Variants in ATP8B2 observed in about 807,000 individuals in gnomAD.
ATP8B2 encodes ATPase phospholipid transporting 8B2, also known as phospholipid-transporting ATPase ID.
In ATP8B2, 70 loss-of-function variants were observed where a neutral mutation model predicts 133.4. The observed-to-expected ratio is 0.52, with a 90% CI of 0.43 to 0.64. The LOEUF (loss-of-function observed/expected upper bound fraction) is 0.64. Among genes scored for constraint, ATP8B2 ranks in the 30% least tolerant of loss-of-function variants. ATP8B2 has a pLI of 0.00. For synonymous variants in ATP8B2, 517 were observed against 589.5 expected (o/e 0.88, Z 1.78); for missense variants, 1,101 against 1,535.7 (o/e 0.72, Z 4.73).
intron 9 of ATP8B2, among the ~76,000 whole-genome samples, chr1:154,333,432 A>G (rs1011196298): frequency 1.3e-5 from 2 of 150,298 alleles, no homozygotes; most frequent in Non-Finnish European, 1.5e-5. Flanking sequence ...TGAACCTGGG[A>G]GGTGGAGGTT....
Position 154,344,408 on chromosome 1 carries a change from C to T in ATP8B2, c.2049C>T (p.Asn683=). ...CTCTCTTGGTAGAGACGGCTGTGAA[C>T]ATCGGCTATTCCTGCAAGATGCTGA... is the stretch of plus-strand genomic sequence containing the variant. ...LTGDKQETAV[N]IGYSCKMLTD... The change falls in exon 20 of 28, where the codon AAC becomes AAT. Residue 683 remains asparagine, a synonymous_variant. Transcript: ENST00000368489. This position sits in a 1 kb window ranked among gnomAD's most constrained non-coding sequence, Gnocchi z 4.1. The T allele has an allele frequency of 6.2e-7, 1 of 1,614,186 alleles. No individual in the cohort carries two copies. The highest frequency in any genetic ancestry group is 8.5e-7 in the Non-Finnish European group (1 of 1,180,020).
At position 154,330,453 on chromosome 1, in the gene ATP8B2, C is replaced by T. The variant is rs200836965; in HGVS notation, c.89C>T (p.Ala30Val). 2.7e-4 allele frequency: 422 copies of T among 1,545,484 alleles called. No individual in the cohort carries two copies. Among genetic ancestry groups the T allele is most frequent in the Admixed American group, 6.1e-4 (36 of 59,196 alleles). The change falls in exon 3 of 28, where the codon GCG (alanine) becomes GTG (valine). Residue 30 changes from alanine to valine, a missense_variant and splice_region_variant. Physicochemically the swap from Ala to Val is moderately conservative, Grantham distance 64 (BLOSUM62 0). Coordinates refer to ENST00000368489, the MANE Select transcript of ATP8B2 (RefSeq NM_001370597.1). The part of the protein sequence containing the change: ...DREYNEKFQY[A>V]SNCIKTSKYN... ...GAATACAATGAGAAATTCCAGTATG[C>T]GGTAAGCGACTCTAGACCACCTGTT...
Position 154,345,290 on chromosome 1 carries a change from C to T in ATP8B2, c.2471-32C>T, listed in dbSNP as rs372262804. On this transcript the variant is annotated intron_variant, in intron 22 of 27. Coordinates refer to ENST00000368489, the MANE Select transcript of ATP8B2 (RefSeq NM_001370597.1). This position sits in a 1 kb window ranked among gnomAD's most constrained non-coding sequence, Gnocchi z 5.6. ...TCTAAAGTGTGTGGCCGGTGGCCATCTTCACCCTCTTGTCATCTCTTGTCT... is the reference window on the plus strand; with the variant it reads ...TCTAAAGTGTGTGGCCGGTGGCCATTTTCACCCTCTTGTCATCTCTTGTCT... The T allele has an allele frequency of 4.2e-4, 677 of 1,611,936 alleles. 1 individual carries two copies. Among genetic ancestry groups the T allele is most frequent in the Non-Finnish European group, 5.2e-4 (612 of 1,178,804 alleles).
Position 154,345,946 on chromosome 1 carries a change from A to AT in ATP8B2, c.2778+63_2778+64insT. 6.9e-7 allele frequency: 1 copy of AT among 1,447,364 alleles called. No homozygotes were observed. The highest frequency in any genetic ancestry group is 9.7e-7 in the Non-Finnish European group (1 of 1,031,858). 89.7% of individuals were successfully genotyped at this position (1,447,364 alleles called of 1,614,324 possible). On this transcript the variant is annotated intron_variant, in intron 24 of 27. Coordinates refer to ENST00000368489, the MANE Select transcript of ATP8B2 (RefSeq NM_001370597.1). This position sits in a 1 kb window ranked among gnomAD's most constrained non-coding sequence, Gnocchi z 5.6. ...AGGTCACTGCTTGAAGGAGTCACAT[A>AT]GACGTGGTGTGTGACACTTGTGCCC...
intron 1 of ATP8B2, among the ~76,000 whole-genome samples, chr1:154,326,136 C>A (rs1370582962): frequency 6.6e-6 from 1 of 151,936 alleles, no homozygotes; most frequent in Admixed American, 6.6e-5. Context: ...GAGGTCTATG[C>A]CTGAGGAAAA....
chr1:154,343,547 C>T lies in ATP8B2; in HGVS notation c.1737C>T (p.Asn579=), dbSNP rs114883665. 1,747 of 1,614,110 alleles carry T rather than the reference C, an allele frequency of 1.1e-3. 12 individuals are homozygous for T. The African/African-American group carries it at 0.019, about 18-fold the overall frequency. Residue 579 remains asparagine (N), a synonymous_variant, in exon 17 of 28, where the codon AAC becomes AAT. Transcript: ENST00000368489. This position sits in a 1 kb window ranked among gnomAD's most constrained non-coding sequence, Gnocchi z 5.8. ...RLHHSTQELL[N]TTMDHLNEYA... ...ACCACTCCACTCAAGAGCTGCTCAA[C>T]ACCACCATGGACCACCTTAATGTGG...
At position 154,331,447 on chromosome 1, in the gene ATP8B2, C is replaced by T. The variant is rs1685988664; in HGVS notation, c.307C>T (p.Arg103Cys). 6.2e-7 allele frequency: 1 copy of T among 1,613,940 alleles called. No homozygotes were observed. Among genetic ancestry groups the T allele is most frequent in the Non-Finnish European group, 8.5e-7 (1 of 1,180,000 alleles). Residue 103 changes from arginine to cysteine, a missense_variant, in exon 6 of 28, where the codon CGC becomes TGC. Arg to Cys is a radical substitution (Grantham distance 180, BLOSUM62 -3). Coordinates refer to ENST00000368489, the MANE Select transcript of ATP8B2 (RefSeq NM_001370597.1). The surrounding 1 kb of genome is among the most constrained non-coding windows in gnomAD (Gnocchi z 4.8). ...CTTTCAGTTTTCTTCTTTTCAGTTC[C>T]GCCACAAGAGCGATAACCAGGTGAA... The part of the protein sequence containing the change: ...AVKDATDDYF[R>C]HKSDNQVNNR...
At chr1:154,348,632 T>A (rs1471590292) in intron 27 of ATP8B2, 94 bp downstream of exon 27, 1 of 1,526,798 alleles carries the variant, frequency 6.5e-7, no homozygotes, top group South Asian at 1.2e-5. Flanking sequence ...GCCATGTGGC[T>A]GTTCAGTGTG....
At position 154,325,918 on chromosome 1, in the gene ATP8B2, G is replaced by A. The variant is rs538546276; in HGVS notation, c.-38+216G>A. ...CGGGTTCCCGGGGACGGGGCAGAGC[G>A]GGGGTCTGCGTACAGGATGGGAGGA... On this transcript the variant is annotated intron_variant, in intron 1 of 27. Coordinates refer to ENST00000368489, the MANE Select transcript of ATP8B2 (RefSeq NM_001370597.1). 5.9e-5 allele frequency among the ~76,000 whole-genome samples: 9 copies of A among 152,260 alleles called. 1 individual carries two copies. The South Asian group carries it at 1.7e-3, about 28-fold the overall frequency.
At position 154,349,345 on chromosome 1, in the gene ATP8B2, C is replaced by T; in HGVS notation, c.*227C>T. ...AGCAGGCCCAAGGGCAGAGCAGAGG[C>T]TGAGGCACGGGGAGCCAGCCCCACT... On this transcript the variant is annotated 3_prime_UTR_variant, in exon 28 of 28. Transcript: ENST00000368489. 1.6e-6 allele frequency: 1 copy of T among 617,258 alleles called. No individual in the cohort carries two copies. The highest frequency in any genetic ancestry group is 1.8e-5 in the African/African-American group (1 of 54,550). 38.2% of individuals were successfully genotyped at this position (617,258 alleles called of 1,614,324 possible). A position where few individuals can be genotyped will look rare whatever the true frequency, so the allele number is the denominator to read the frequency against.
At position 154,328,669 on chromosome 1, in the gene ATP8B2, C is replaced by A; in HGVS notation, c.31+497C>A. The A allele has an allele frequency of 1.6e-6, 1 of 628,822 alleles. No homozygotes were observed. The highest frequency in any genetic ancestry group is 2.0e-6 in the Non-Finnish European group (1 of 502,294). The allele number at this position is 628,822 out of a possible 1,614,324, so 39.0% of individuals were successfully genotyped here. A position where few individuals can be genotyped will look rare whatever the true frequency, so the allele number is the denominator to read the frequency against. On this transcript the variant is annotated intron_variant, in intron 2 of 27. Coordinates refer to ENST00000368489, the MANE Select transcript of ATP8B2 (RefSeq NM_001370597.1). This position sits in a 1 kb window ranked among gnomAD's most constrained non-coding sequence, Gnocchi z 4.6. ...AGCTTTCGCCTACGCGGCGCGCTGG[C>A]AGGCTGCGGCTCCTGCAGTCGGGGA...
chr1:154,332,071 G>C (rs776426002), intron 8 of ATP8B2, 47 bp downstream of exon 8: 1 of 1,580,646 alleles, frequency 6.3e-7, no homozygotes, highest in Non-Finnish European at 8.7e-7. Flanking sequence ...TCTCTTTGGA[G>C]GTAAAAAGAT....
chr1:154,342,657 C>T (rs1686426630), intron 14 of ATP8B2, 134 bp downstream of exon 14: 1 of 1,428,122 alleles, frequency 7.0e-7, no homozygotes. Context: ...TAAGGCAGAA[C>T]TGGTGATGAC....
At chr1:154,339,213 T>C (rs957577614) in intron 12 of ATP8B2, among the ~76,000 whole-genome samples, 1 of 152,174 alleles carries the variant, frequency 6.6e-6, no homozygotes, top group African/African-American at 2.4e-5. Context: ...GCTGAGAGAA[T>C]ATAGTTTAGG....
intron 27 of ATP8B2, 126 bp downstream of exon 27, chr1:154,348,664 T>G: frequency 6.9e-7 from 1 of 1,438,902 alleles, no homozygotes; most frequent in Non-Finnish European, 9.4e-7. Flanking sequence ...CTGTTCTTCC[T>G]GGGGACAGAC....
rs989580476 is a variant in ATP8B2 at position 154,334,946 on chromosome 1, G to T, written c.837+355G>T. On this transcript the variant is annotated intron_variant, in intron 11 of 27. Transcript: ENST00000368489. This position sits in a 1 kb window ranked among gnomAD's most constrained non-coding sequence, Gnocchi z 4.6. ...GGAATTAAAAGAAAAATTTCCATTT[G>T]GAAGAGGTTGGCAGGGTCTTTTCCC... Among the ~76,000 whole-genome samples, 41 of 152,152 alleles carry T rather than the reference G, an allele frequency of 2.7e-4. No homozygotes were observed. Among genetic ancestry groups the T allele is most frequent in the Non-Finnish European group, 5.7e-4 (39 of 68,022 alleles).
At chr1:154,333,161 T>A (rs1461801404) in intron 9 of ATP8B2, among the ~76,000 whole-genome samples, 2 of 151,894 alleles carry the variant, frequency 1.3e-5, no homozygotes, top group African/African-American at 4.8e-5. Context: ...AATACAAAAA[T>A]TATTAGCTGG....
In ATP8B2 at chr1:154,344,909, G is replaced by T; in HGVS notation, c.2287-62G>T. On this transcript the variant is annotated intron_variant, in intron 21 of 27. Transcript: ENST00000368489. This position sits in a 1 kb window ranked among gnomAD's most constrained non-coding sequence, Gnocchi z 4.1. ...GACTGGTCTCAAAGGGGACTGGGAG[G>T]AGCTGAGACTCCCAGGTGTCTCCTG... 3 of 1,558,434 alleles carry T rather than the reference G, an allele frequency of 1.9e-6. No individual in the cohort carries two copies. In the South Asian group the frequency reaches 3.6e-5, roughly 19 times the overall value.
At chr1:154,333,199 G>C (rs1002986413) in intron 9 of ATP8B2, among the ~76,000 whole-genome samples, 1 of 152,112 alleles carries the variant, frequency 6.6e-6, no homozygotes, top group Non-Finnish European at 1.5e-5. Context: ...TGTAATCCCA[G>C]CTATTCAGGA....
Sources: allele counts gnomAD v4.1 joint callset (sites outside exome capture counted in the v4.1 genomes callset), GRCh38; gene constraint gnomAD v4.1.1; non-coding constraint Gnocchi (gnomAD v3.1); transcripts MANE v1.5; gene names NCBI Gene and HGNC (gene_info 2026-07-23, HGNC 2026-07-21).